The following INSL6 variants were observed in gnomAD, a reference collection of about 807,000 sequenced individuals.
The protein encoded by INSL6 is insulin like 6.
A neutral mutation model predicts 9.4 loss-of-function variants in INSL6; 16 were observed. The ratio of observed to expected loss-of-function variants is 1.70; its 90% CI spans 1.15 to 2.59. The LOEUF (loss-of-function observed/expected upper bound fraction) is 2.59, where lower values mean the gene tolerates loss of function less well. INSL6 is among the 30% of genes most tolerant of loss of function. INSL6 has a pLI of 0.00. For synonymous variants in INSL6, 154 were observed against 96.9 expected (o/e 1.59, Z -3.46); for missense variants, 391 against 257.3 (o/e 1.52, Z -3.56).
At chr9:5,001,093 A>T in the INSL6 span, among the ~76,000 whole-genome samples, 1 of 152,222 alleles carries the variant, frequency 6.6e-6, no homozygotes, top group Non-Finnish European at 1.5e-5. Flanking sequence ...AAGTTCTAGT[A>T]ATTTTTTGGT....
At chr9:5,074,369 G>T in the INSL6 span, among the ~76,000 whole-genome samples, 2 of 152,156 alleles carry the variant, frequency 1.3e-5, no homozygotes, top group East Asian at 3.9e-4. Context: ...CGGCAACCCA[G>T]TGTCTAGCAA....
chr9:5,143,968 A>T (rs1824551992), intron 2 of INSL6, among the ~76,000 whole-genome samples: 1 of 151,978 alleles, frequency 6.6e-6, no homozygotes, highest in South Asian at 2.1e-4. Flanking sequence ...CAATTGGTTG[A>T]TCTTTCGAAT....
chr9:5,107,045 A>G, the INSL6 span, among the ~76,000 whole-genome samples: 1 of 152,178 alleles, frequency 6.6e-6, no homozygotes, highest in Admixed American at 6.5e-5. Context: ...ATATATATAC[A>G]TCACTTTACA....
At chr9:5,141,039 T>C (rs1342161974) in intron 2 of INSL6, among the ~76,000 whole-genome samples, 1 of 152,116 alleles carries the variant, frequency 6.6e-6, no homozygotes, top group Non-Finnish European at 1.5e-5. Flanking sequence ...AAGGACATGA[T>C]CTCATTCCTT....
At chr9:5,044,668 T>A in the INSL6 span, 2 of 518,654 alleles carry the variant, frequency 3.9e-6, no homozygotes, top group Middle Eastern at 4.9e-4. Context: ...AAATTGAGTC[T>A]TTTAGCACTA....
chr9:5,181,089 C>A (rs562052799), intron 1 of INSL6, among the ~76,000 whole-genome samples: 83 of 152,182 alleles, frequency 5.5e-4, no homozygotes, highest in African/African-American at 1.9e-3. Flanking sequence ...GAAAATAGAA[C>A]CTACATTGAA....
At chr9:5,126,003 CTTT>C (rs1200775819) in intron 3 of INSL6, 7 of 170,392 alleles carry the variant, frequency 4.1e-5, no homozygotes, top group East Asian at 1.6e-4. Context: ...TTATATTCAA[CTTT>C]TTATTTCAAT....
At chr9:5,168,825 G>GA (rs1487815956) in intron 1 of INSL6, among the ~76,000 whole-genome samples, 1 of 151,942 alleles carries the variant, frequency 6.6e-6, no homozygotes, top group Non-Finnish European at 1.5e-5. Flanking sequence ...TGCAGCCAGA[G>GA]AAAGGTCGAG....
downstream of INSL6, among the ~76,000 whole-genome samples, chr9:5,119,603 T>C: frequency 6.6e-6 from 1 of 152,148 alleles, no homozygotes; most frequent in East Asian, 1.9e-4. Context: ...CAATAAATAA[T>C]ACAGAGTAAA....
intron 1 of INSL6, among the ~76,000 whole-genome samples, chr9:5,169,885 G>C (rs557355080): frequency 6.6e-6 from 1 of 152,206 alleles, no homozygotes; most frequent in Non-Finnish European, 1.5e-5. Flanking sequence ...AGAGACCTAC[G>C]AAGAGACTTA....
At chr9:5,182,925 T>C (rs1022130301) in intron 1 of INSL6, among the ~76,000 whole-genome samples, 2 of 152,196 alleles carry the variant, frequency 1.3e-5, no homozygotes, top group African/African-American at 4.8e-5. Context: ...TATGTATAAG[T>C]AGCTTTGAAA....
At chr9:5,112,245 A>G in the INSL6 span, 1 of 259,840 alleles carries the variant, frequency 3.8e-6, no homozygotes. Context: ...GTTGGAGGCG[A>G]ACACCCTGAG....
the INSL6 span, among the ~76,000 whole-genome samples, chr9:5,023,189 G>A: frequency 2.6e-5 from 4 of 152,084 alleles, no homozygotes; most frequent in Admixed American, 6.5e-5. Context: ...GCCAGTCTCT[G>A]CTACCAATCC....
At chr9:5,163,373 A>G (rs1457282456), downstream of INSL6, among the ~76,000 whole-genome samples, 7 of 152,020 alleles carry the variant, frequency 4.6e-5, no homozygotes, top group Non-Finnish European at 1.0e-4. Context: ...GATTCACTAA[A>G]CTCTCTTTTA....
chr9:5,072,459 C>A, the INSL6 span: 1 of 1,480,664 alleles, frequency 6.8e-7, no homozygotes, highest in Non-Finnish European at 9.0e-7. Context: ...TCCATCTTTA[C>A]TCATTCTTTT....
At chr9:5,057,565 C>CCAGCATTCTA in the INSL6 span, among the ~76,000 whole-genome samples, 1 of 148,270 alleles carries the variant, frequency 6.7e-6, no homozygotes. Flanking sequence ...ATCCTTGCAA[C>CCAGCATTCTA]CAGCATTCTA....
chr9:5,110,825 G>A, the INSL6 span: 3 of 445,436 alleles, frequency 6.7e-6, no homozygotes, highest in Non-Finnish European at 8.7e-6. Flanking sequence ...TGCATCGCCC[G>A]TTTGTTCGGG....
the INSL6 span, among the ~76,000 whole-genome samples, chr9:5,020,977 A>G: frequency 1.3e-5 from 2 of 152,044 alleles, no homozygotes; most frequent in Admixed American, 6.5e-5. Context: ...CTCTAAAGCA[A>G]TGTCATTGTG....
intron 3 of INSL6, among the ~76,000 whole-genome samples, chr9:5,129,064 A>G (rs1028946578): frequency 1.3e-5 from 2 of 152,014 alleles, no homozygotes; most frequent in Admixed American, 1.3e-4. Context: ...CTTTTAACCT[A>G]AGGCTTCTAG....
Sources: gnomAD v4.1 joint callset for allele counts (sites outside exome capture counted in the v4.1 genomes callset) on GRCh38, gnomAD v4.1.1 for gene constraint, MANE v1.5 for transcripts, NCBI Gene and HGNC (gene_info 2026-07-23, HGNC 2026-07-21) for gene names.